The following ATE1 variants were observed in gnomAD, a reference collection of about 807,000 sequenced individuals.
The protein encoded by ATE1 is arginyl-tRNA--protein transferase 1.
ATE1 carries 36 observed loss-of-function variants against 70.5 expected under a neutral mutation model. That is an observed-to-expected ratio of 0.51 (90% CI 0.39 to 0.67). The LOEUF (loss-of-function observed/expected upper bound fraction) is 0.67. Among genes scored for constraint, ATE1 ranks in the 30% least tolerant of loss-of-function variants. ATE1 has a pLI of 0.00. For missense variants in ATE1, 593 were observed against 629.5 expected (o/e 0.94, Z 0.62); for synonymous variants, 232 against 219.3 (o/e 1.06, Z -0.51).
chr10:121,784,022 T>C (rs1365603607), intron 11 of ATE1, among the ~76,000 whole-genome samples: 1 of 152,218 alleles, frequency 6.6e-6, no homozygotes, highest in Non-Finnish European at 1.5e-5. Context: ...CCTCCCAAAG[T>C]GCTGGGATCA....
At chr10:121,839,777 T>C (rs945871657) in intron 9 of ATE1, among the ~76,000 whole-genome samples, 1 of 152,154 alleles carries the variant, frequency 6.6e-6, no homozygotes, top group Non-Finnish European at 1.5e-5. Flanking sequence ...AAGAACTTTA[T>C]ATTGTGGGCC....
intron 7 of ATE1, among the ~76,000 whole-genome samples, chr10:121,875,597 G>A (rs537909258): frequency 1.8e-3 from 276 of 152,208 alleles, no homozygotes; most frequent in Non-Finnish European, 3.2e-3. Flanking sequence ...GAGCCACCGC[G>A]CCCAGCCAGG....
chr10:121,834,532 C>T (rs897888605), intron 10 of ATE1, among the ~76,000 whole-genome samples: 1 of 152,048 alleles, frequency 6.6e-6, no homozygotes, highest in African/African-American at 2.4e-5. Flanking sequence ...TTTTTAAAAT[C>T]TTTAACTTAA....
chr10:121,768,131 CT>C (rs1945351836), intron 11 of ATE1, among the ~76,000 whole-genome samples: 1 of 152,102 alleles, frequency 6.6e-6, no homozygotes, highest in Non-Finnish European at 1.5e-5. Flanking sequence ...ATTTTTGGTA[CT>C]TAGAGAAGTC....
intron 10 of ATE1, among the ~76,000 whole-genome samples, chr10:121,834,428 A>G (rs1390589012): frequency 6.6e-6 from 1 of 152,136 alleles, no homozygotes; most frequent in Non-Finnish European, 1.5e-5. Flanking sequence ...CTCTCATATA[A>G]ATGGAATTAA....
At chr10:121,768,068 A>T (rs1006163989) in intron 11 of ATE1, among the ~76,000 whole-genome samples, 5 of 152,210 alleles carry the variant, frequency 3.3e-5, no homozygotes, top group African/African-American at 1.2e-4. Flanking sequence ...ATCTTATAGA[A>T]ATTATGCTAA....
chr10:121,772,121 C>T (rs1185484140), intron 11 of ATE1, among the ~76,000 whole-genome samples: 1 of 152,188 alleles, frequency 6.6e-6, no homozygotes, highest in Non-Finnish European at 1.5e-5. Flanking sequence ...ACACCACATT[C>T]CCCAGACATC....
chr10:121,873,005 A>G (rs546777494), intron 7 of ATE1, among the ~76,000 whole-genome samples: 15 of 152,166 alleles, frequency 9.9e-5, no homozygotes, highest in Non-Finnish European at 2.1e-4. Context: ...TCTCATTCTA[A>G]TAACAATCGT....
chr10:121,894,855 C>T (rs1410807899), intron 7 of ATE1, among the ~76,000 whole-genome samples: 1 of 151,864 alleles, frequency 6.6e-6, no homozygotes, highest in Non-Finnish European at 1.5e-5. Context: ...GAGCCGAGAT[C>T]GCACCGCTGC....
chr10:121,885,672 A>G (rs1047618874), intron 7 of ATE1, among the ~76,000 whole-genome samples: 21 of 151,774 alleles, frequency 1.4e-4, no homozygotes, highest in African/African-American at 5.1e-4. Flanking sequence ...GCAGGCAGGC[A>G]GGCGGATCAC....
intron 11 of ATE1, among the ~76,000 whole-genome samples, chr10:121,789,232 T>C (rs1347859558): frequency 6.6e-6 from 1 of 151,466 alleles, no homozygotes; most frequent in Non-Finnish European, 1.5e-5. Flanking sequence ...CCTAAGGGCA[T>C]ACAGTTTACC....
chr10:121,746,357 A>G (rs1365864775), intron 11 of ATE1, among the ~76,000 whole-genome samples: 3 of 152,218 alleles, frequency 2.0e-5, no homozygotes, highest in African/African-American at 4.8e-5. Context: ...TGCTGCATCA[A>G]TTCCTGGGAG....
rs544641742 is a variant in ATE1 at position 121,804,169 on chromosome 10, T to C, written c.1258-13880A>G. ...TGACCATTTTTAACTTAAACATAGT[T>C]ATTTACAGGTGAGAAAGTCAAGTCA... On this transcript the variant is annotated intron_variant, in intron 10 of 11. Transcript: ENST00000224652. Among the ~76,000 whole-genome samples, 180 of 152,362 alleles carry C rather than the reference T, an allele frequency of 1.2e-3. 1 individual carries two copies. The highest frequency in any genetic ancestry group is 4.2e-3 in the African/African-American group (175 of 41,594).
chr10:121,899,818 G>A (rs780385564), intron 7 of ATE1, 48 bp downstream of exon 7: 2 of 1,578,544 alleles, frequency 1.3e-6, no homozygotes, highest in Non-Finnish European at 1.7e-6. Context: ...ATATTAAGTG[G>A]AAGGGAAAGC....
At chr10:121,916,724 A>G (rs1951675041) in intron 3 of ATE1, among the ~76,000 whole-genome samples, 1 of 151,948 alleles carries the variant, frequency 6.6e-6, no homozygotes, top group African/African-American at 2.4e-5. Flanking sequence ...AGTCCCAGCT[A>G]CTCGGGAGGC....
intron 9 of ATE1, among the ~76,000 whole-genome samples, chr10:121,840,087 T>A (rs781244754): frequency 1.3e-5 from 2 of 152,048 alleles, no homozygotes; most frequent in African/African-American, 4.8e-5. Context: ...CATATACACA[T>A]AGACAAACAG....
chr10:121,830,167 C>T (rs1379356777), intron 10 of ATE1, among the ~76,000 whole-genome samples: 1 of 152,176 alleles, frequency 6.6e-6, no homozygotes, highest in African/African-American at 2.4e-5. Context: ...ATGGTATCTG[C>T]TATGGTTTGA....
At chr10:121,926,759 G>A (rs1183687226) in intron 1 of ATE1, 14 of 985,214 alleles carry the variant, frequency 1.4e-5, no homozygotes, top group Non-Finnish European at 1.7e-5. Context: ...GTGTACTTCC[G>A]GGCCTTCTTC....
At chr10:121,799,174 T>C (rs1221388943) in intron 10 of ATE1, among the ~76,000 whole-genome samples, 2 of 152,120 alleles carry the variant, frequency 1.3e-5, no homozygotes, top group African/African-American at 4.8e-5. Flanking sequence ...AGGTGCTCAT[T>C]CTCTGCTGGG....
Sources: allele counts gnomAD v4.1 joint callset (sites outside exome capture counted in the v4.1 genomes callset), GRCh38; gene constraint gnomAD v4.1.1; transcripts MANE v1.5; gene names NCBI Gene and HGNC (gene_info 2026-07-23, HGNC 2026-07-21).